The following CCDC178 variants were observed in gnomAD, a reference collection of about 807,000 sequenced individuals.
The protein encoded by CCDC178 is coiled-coil domain-containing protein 178.
CCDC178 carries 126 observed loss-of-function variants against 117.4 expected under a neutral mutation model. The observed-to-expected ratio is 1.07, with a 90% CI of 0.93 to 1.24. The LOEUF is 1.24. Ranked by LOEUF, CCDC178 falls within the 50% of genes most tolerant of loss-of-function variation. CCDC178 has a pLI of 0.00. For synonymous variants in CCDC178, 283 were observed against 313.4 expected, an observed-to-expected ratio of 0.90 and a Z score of 1.02; for missense variants, 1,030 against 986.9, an observed-to-expected ratio of 1.04 and a Z score of -0.59.
At chr18:33,351,493 G>T (rs535622369) in intron 7 of CCDC178, among the ~76,000 whole-genome samples, 1 of 150,980 alleles carries the variant, frequency 6.6e-6, no homozygotes, top group Non-Finnish European at 1.5e-5. Context: ...GTGCCCGGCC[G>T]TATAATTATA....
chr18:33,432,072 C>T (rs2064226935), intron 2 of CCDC178, among the ~76,000 whole-genome samples: 1 of 152,160 alleles, frequency 6.6e-6, no homozygotes, highest in Non-Finnish European at 1.5e-5. Flanking sequence ...CTGCACTCAG[C>T]TTCTTATGGG....
chr18:33,363,789 T>C (rs76522628), intron 6 of CCDC178, among the ~76,000 whole-genome samples: 2,075 of 152,230 alleles, frequency 0.014, 53 homozygotes, highest in African/African-American at 0.047. Flanking sequence ...ATATTCATGA[T>C]ACCAGAAAGA....
rs2058825414 is a variant in CCDC178 at position 33,188,848 on chromosome 18, G to T, written c.2238+23048C>A. Among the ~76,000 whole-genome samples the T allele has an allele frequency of 2.0e-5, 3 of 152,156 alleles. 1 individual carries two copies. The South Asian group carries it at 6.2e-4, about 31-fold the overall frequency. On this transcript the variant is annotated intron_variant, in intron 20 of 22. Coordinates refer to ENST00000383096, the MANE Select transcript of CCDC178 (RefSeq NM_001105528.4). ...TAAGCATTTTAGTTTGTGGAAATAT[G>T]TTATGGCAGCAATAGAAAATGACTA...
intron 20 of CCDC178, among the ~76,000 whole-genome samples, chr18:33,120,031 G>A (rs2057915348): frequency 1.3e-5 from 2 of 151,858 alleles, no homozygotes; most frequent in African/African-American, 4.8e-5. Flanking sequence ...ACCGGGGCCT[G>A]TCGTGGGGTG....
intron 2 of CCDC178, among the ~76,000 whole-genome samples, chr18:33,432,933 T>C (rs1225044172): frequency 3.3e-5 from 5 of 152,216 alleles, no homozygotes; most frequent in African/African-American, 1.2e-4. Context: ...AATTATTGCC[T>C]TTGTAAGAGA....
At chr18:33,414,373 C>G (rs2063902941) in intron 2 of CCDC178, among the ~76,000 whole-genome samples, 1 of 151,952 alleles carries the variant, frequency 6.6e-6, no homozygotes. Context: ...AAGAACAGAA[C>G]AGAGCCCTCA....
chr18:33,395,139 G>A (rs2063618674), intron 4 of CCDC178, among the ~76,000 whole-genome samples: 1 of 150,770 alleles, frequency 6.6e-6, no homozygotes, highest in Non-Finnish European at 1.5e-5. Context: ...TGGGTTTGAT[G>A]ACTTGTAAGT....
chr18:33,198,196 G>T (rs938786797), intron 20 of CCDC178, among the ~76,000 whole-genome samples: 16 of 152,130 alleles, frequency 1.1e-4, no homozygotes, highest in African/African-American at 2.9e-4. Flanking sequence ...GGGAACACTT[G>T]GTGCTGTTAC....
intron 6 of CCDC178, among the ~76,000 whole-genome samples, chr18:33,364,278 C>T (rs1015894064): frequency 6.6e-6 from 1 of 151,678 alleles, no homozygotes; most frequent in African/African-American, 2.4e-5. Flanking sequence ...TGCATGTATA[C>T]CAATAGGTAA....
chr18:32,985,866 T>C (rs2055251907), intron 21 of CCDC178, among the ~76,000 whole-genome samples: 1 of 152,072 alleles, frequency 6.6e-6, no homozygotes, highest in South Asian at 2.1e-4. Flanking sequence ...GCTATGTGAC[T>C]TAGTGTCATT....
intron 20 of CCDC178, among the ~76,000 whole-genome samples, chr18:33,185,805 A>G (rs1443129353): frequency 1.3e-5 from 2 of 152,102 alleles, no homozygotes; most frequent in African/African-American, 4.8e-5. Context: ...AAGATGTTAC[A>G]TAGAAAGTAT....
At chr18:33,342,547 G>A (rs568015989) in intron 9 of CCDC178, among the ~76,000 whole-genome samples, 1 of 152,156 alleles carries the variant, frequency 6.6e-6, no homozygotes, top group Non-Finnish European at 1.5e-5. Context: ...GTTCCAAGCT[G>A]ACACTTTGAG....
At chr18:33,140,392 A>C (rs2058186939) in intron 20 of CCDC178, among the ~76,000 whole-genome samples, 1 of 152,138 alleles carries the variant, frequency 6.6e-6, no homozygotes, top group African/African-American at 2.4e-5. Context: ...GCAGCCCATG[A>C]AAGCAGTTGG....
intron 11 of CCDC178, among the ~76,000 whole-genome samples, chr18:33,321,488 A>G (rs368740979): frequency 2.4e-4 from 36 of 152,188 alleles, no homozygotes; most frequent in African/African-American, 8.7e-4. Context: ...TAATGTACTT[A>G]TCTGTTATAC....
At chr18:33,047,135 A>T (rs9962070) in intron 21 of CCDC178, among the ~76,000 whole-genome samples, 1 of 152,120 alleles carries the variant, frequency 6.6e-6, no homozygotes. Flanking sequence ...ACTTTAAAAA[A>T]TTCAACTGAA....
chr18:33,021,852 G>T (rs2056126299), intron 21 of CCDC178, among the ~76,000 whole-genome samples: 1 of 152,044 alleles, frequency 6.6e-6, no homozygotes, highest in Admixed American at 6.6e-5. Flanking sequence ...TCTTAGTGGT[G>T]GCTTCCTTTA....
chr18:33,254,427 T>C (rs2059654942), intron 14 of CCDC178, among the ~76,000 whole-genome samples: 1 of 151,898 alleles, frequency 6.6e-6, no homozygotes, highest in South Asian at 2.1e-4. Flanking sequence ...GAAAGTTAGT[T>C]AAATGGATAC....
chr18:33,018,767 T>C (rs770592590), intron 21 of CCDC178, among the ~76,000 whole-genome samples: 20 of 152,082 alleles, frequency 1.3e-4, no homozygotes, highest in Non-Finnish European at 2.4e-4. Flanking sequence ...TGCTATTAAG[T>C]ATGGAACTTC....
At chr18:33,098,788 T>C (rs2057581670) in intron 20 of CCDC178, among the ~76,000 whole-genome samples, 1 of 152,046 alleles carries the variant, frequency 6.6e-6, no homozygotes, top group Non-Finnish European at 1.5e-5. Context: ...TTGGGAAGTT[T>C]ACTTTACGGA....
Sources: gnomAD v4.1 joint callset for allele counts (sites outside exome capture counted in the v4.1 genomes callset) on GRCh38, gnomAD v4.1.1 for gene constraint, MANE v1.5 for transcripts, NCBI Gene and HGNC (gene_info 2026-07-23, HGNC 2026-07-21) for gene names.